The following AGBL1 variants were observed in gnomAD, a reference collection of about 807,000 sequenced individuals.
AGBL1 encodes cytosolic carboxypeptidase 4.
AGBL1 carries 130 observed loss-of-function variants against 118.9 expected under a neutral mutation model. That is an observed-to-expected ratio of 1.09 (90% CI 0.95 to 1.26). AGBL1 has a LOEUF of 1.26. Among genes scored for constraint, AGBL1 ranks in the 50% most tolerant of loss-of-function variants. AGBL1 has a pLI of 0.00. For missense variants in AGBL1, 1,584 were observed against 1,298.1 expected (o/e 1.22, Z -3.38); for synonymous variants, 555 against 478.9 (o/e 1.16, Z -2.08).
chr15:86,997,589 C>G (rs536135780), intron 24 of AGBL1, among the ~76,000 whole-genome samples: 113 of 152,166 alleles, frequency 7.4e-4, no homozygotes, highest in African/African-American at 2.6e-3. Context: ...ATTGATGGAT[C>G]ACTTGATAGA....
In AGBL1 at chr15:86,404,892, C is replaced by A. The variant is rs147939046; in HGVS notation, c.2555+7346C>A. ...TGTGTTAGTTATTCCCACTGTTAAT[C>A]ATCCTTTTCCAGGAACAGGGAAAAT... On this transcript the variant is annotated intron_variant, in intron 18 of 22. Transcript: ENST00000614907. 5.7e-3 allele frequency among the ~76,000 whole-genome samples: 867 copies of A among 152,250 alleles called. 6 individuals carry two copies. The highest frequency in any genetic ancestry group is 0.018 in the African/African-American group (744 of 41,558).
intron 21 of AGBL1, among the ~76,000 whole-genome samples, chr15:86,666,355 G>T (rs918664076): frequency 2.2e-4 from 33 of 152,028 alleles, no homozygotes; most frequent in African/African-American, 7.7e-4. Flanking sequence ...AAAGAAAATT[G>T]ATTTTTGTAT....
At chr15:86,895,214 G>C (rs1275095969) in intron 22 of AGBL1, among the ~76,000 whole-genome samples, 5 of 144,750 alleles carry the variant, frequency 3.5e-5, no homozygotes, top group Non-Finnish European at 7.5e-5. Flanking sequence ...TTTGTTTTTA[G>C]ATGTAAAACA....
Position 86,522,899 on chromosome 15 carries a change from G to C in AGBL1, c.2645G>C (p.Gly882Ala), listed in dbSNP as rs770503705. The change falls in exon 19 of 23, where the codon GGC becomes GCC. Residue 882 changes from glycine (G) to alanine (A), a missense_variant. Gly to Ala is a moderately conservative substitution (Grantham distance 60). Coordinates refer to ENST00000614907, the MANE Select transcript of AGBL1 (RefSeq NM_001386094.1). ...HLQPTIYHAK[G>A]LLYHLSSIGR... ...CAGCCAACCATTTACCATGCCAAAGGCCTCCTCTACCACCTGAGCAGCATT... is the reference window on the plus strand; with the variant it reads ...CAGCCAACCATTTACCATGCCAAAGCCCTCCTCTACCACCTGAGCAGCATT... 6 of 1,613,844 alleles carry C rather than the reference G, an allele frequency of 3.7e-6. No homozygotes were observed. The highest frequency in any genetic ancestry group is 2.7e-5 in the African/African-American group (2 of 74,916).
intron 23 of AGBL1, among the ~76,000 whole-genome samples, chr15:86,978,645 GT>G (rs1449637951): frequency 8.5e-5 from 13 of 152,280 alleles, no homozygotes; most frequent in African/African-American, 2.9e-4. Flanking sequence ...TGAACATGTG[GT>G]TACTGAAGCC....
At chr15:86,476,756 A>G (rs938590737) in intron 18 of AGBL1, among the ~76,000 whole-genome samples, 169 of 152,322 alleles carry the variant, frequency 1.1e-3, no homozygotes, top group African/African-American at 3.9e-3. Context: ...GGAACTCTCC[A>G]CCCCAAATCA....
downstream of AGBL1, among the ~76,000 whole-genome samples, chr15:86,920,870 G>T (rs2080475747): frequency 6.6e-6 from 1 of 152,132 alleles, no homozygotes; most frequent in African/African-American, 2.4e-5. Flanking sequence ...CATTTTGCCT[G>T]AGCTGGGATG....
At chr15:86,170,479 A>G (rs981698938) in intron 5 of AGBL1, among the ~76,000 whole-genome samples, 1 of 151,986 alleles carries the variant, frequency 6.6e-6, no homozygotes, top group African/African-American at 2.4e-5. Flanking sequence ...TACAATAAAA[A>G]TGATAGGGAC....
chr15:87,028,008 C>T (rs893378313), intron 24 of AGBL1, among the ~76,000 whole-genome samples: 1 of 149,330 alleles, frequency 6.7e-6, no homozygotes, highest in Non-Finnish European at 1.5e-5. Context: ...TGTAACAAAC[C>T]TGCACATCCT....
intron 5 of AGBL1, among the ~76,000 whole-genome samples, chr15:86,208,165 G>T (rs1388435775): frequency 6.6e-6 from 1 of 152,170 alleles, no homozygotes; most frequent in East Asian, 1.9e-4. Flanking sequence ...TCCCAGGAAT[G>T]AAGCCTACTT....
intron 19 of AGBL1, among the ~76,000 whole-genome samples, chr15:86,543,879 G>A (rs11634524): frequency 0.088 from 13,412 of 152,278 alleles, 794 homozygotes; most frequent in Non-Finnish European, 0.13. Flanking sequence ...TTCAACCATT[G>A]TAGGTAGATG....
intron 1 of AGBL1, among the ~76,000 whole-genome samples, chr15:86,126,661 AG>A (rs1191440328): frequency 6.6e-6 from 1 of 152,194 alleles, no homozygotes; most frequent in Non-Finnish European, 1.5e-5. Flanking sequence ...TCACTGAAGA[AG>A]GGGTTAGTGG....
chr15:86,393,243 T>C (rs376273352), intron 17 of AGBL1, among the ~76,000 whole-genome samples: 1 of 152,184 alleles, frequency 6.6e-6, no homozygotes, highest in African/African-American at 2.4e-5. Context: ...GACACATTGT[T>C]GATGTCTCTC....
chr15:86,315,464 C>T (rs1276599876), intron 17 of AGBL1, among the ~76,000 whole-genome samples: 1 of 152,052 alleles, frequency 6.6e-6, no homozygotes, highest in Non-Finnish European at 1.5e-5. Context: ...CACTGGTAAT[C>T]CCAGCACTTT....
At chr15:86,755,217 A>G (rs762223910) in intron 22 of AGBL1, among the ~76,000 whole-genome samples, 2 of 152,118 alleles carry the variant, frequency 1.3e-5, no homozygotes, top group Non-Finnish European at 2.9e-5. Context: ...AGTAGGGTGG[A>G]TGACCTAATG....
chr15:86,676,579 T>C (rs1325810166), intron 22 of AGBL1, among the ~76,000 whole-genome samples: 1 of 152,154 alleles, frequency 6.6e-6, no homozygotes, highest in Non-Finnish European at 1.5e-5. Context: ...GAACTTTTGT[T>C]AGTATCAGGA....
At chr15:86,346,677 C>T (rs2080543072) in intron 17 of AGBL1, among the ~76,000 whole-genome samples, 1 of 152,162 alleles carries the variant, frequency 6.6e-6, no homozygotes, top group African/African-American at 2.4e-5. Flanking sequence ...CAAGTGAAAG[C>T]TCATTCTTTA....
chr15:86,145,158 T>A (rs995005985), intron 3 of AGBL1, among the ~76,000 whole-genome samples: 3 of 152,192 alleles, frequency 2.0e-5, no homozygotes, highest in Non-Finnish European at 4.4e-5. Flanking sequence ...TAATTTGTAA[T>A]AAAATCTGCA....
chr15:86,350,489 CTG>C (rs1216032142), intron 17 of AGBL1, among the ~76,000 whole-genome samples: 3 of 152,218 alleles, frequency 2.0e-5, no homozygotes, highest in African/African-American at 7.2e-5. Context: ...GGTGTCATCT[CTG>C]TGTAAGACAA....
Sources: gnomAD v4.1 joint callset for allele counts (sites outside exome capture counted in the v4.1 genomes callset) on GRCh38, gnomAD v4.1.1 for gene constraint, MANE v1.5 for transcripts, NCBI Gene and HGNC (gene_info 2026-07-23, HGNC 2026-07-21) for gene names.